The following PDK1 variants were observed in gnomAD, a reference collection of about 807,000 sequenced individuals.
PDK1 encodes pyruvate dehydrogenase kinase 1.
PDK1 carries 39 observed loss-of-function variants against 54.2 expected under a neutral mutation model. The ratio of observed to expected loss-of-function variants is 0.72; its 90% confidence interval spans 0.56 to 0.94. The LOEUF is 0.94. Among genes scored for constraint, PDK1 ranks in the 40% least tolerant of loss-of-function variants. The pLI is 0.00. For missense variants in PDK1, 552 were observed against 566.0 expected (o/e 0.98, Z 0.25); for synonymous variants, 221 against 207.1 (o/e 1.07, Z -0.58).
Position 172,568,761 on chromosome 2 carries a change from A to G in PDK1, c.790A>G (p.Ile264Val). 6.2e-7 allele frequency: 1 copy of G among 1,609,194 alleles called. No individual in the cohort carries two copies. Among genetic ancestry groups the G allele is most frequent in the Non-Finnish European group, 8.5e-7 (1 of 1,175,466 alleles). Residue 264 changes from isoleucine (I) to valine (V), a missense_variant, in exon 7 of 11, where the codon ATA becomes GTA. Physicochemically the swap from Ile to Val is conservative, Grantham distance 29. Coordinates refer to ENST00000282077, the MANE Select transcript of PDK1 (RefSeq NM_002610.5). ...TGTAGCAAAATCACCAGGACAGCCA[A>G]TACAAGTGGTTTATGTACCATCCCA... ...ELNAKSPGQP[I>V]QVVYVPSHLY...
downstream of PDK1, among the ~76,000 whole-genome samples, chr2:172,610,669 G>A (rs1347586158): frequency 6.6e-6 from 1 of 152,060 alleles, no homozygotes; most frequent in African/African-American, 2.4e-5. Flanking sequence ...GGAGTGCAGT[G>A]GTGCAGTCTC....
chr2:172,646,488 G>C, the PDK1 span, among the ~76,000 whole-genome samples: 4 of 136,202 alleles, frequency 2.9e-5, no homozygotes, highest in South Asian at 2.3e-4. Flanking sequence ...GGAATCTTTA[G>C]ATAAACACAT....
chr2:172,661,307 C>G, the PDK1 span, among the ~76,000 whole-genome samples: 3 of 152,068 alleles, frequency 2.0e-5, no homozygotes, highest in African/African-American at 7.2e-5. Flanking sequence ...AATTATATGC[C>G]ATTATTGTAT....
At chr2:172,688,816 C>T in the PDK1 span, among the ~76,000 whole-genome samples, 3 of 152,058 alleles carry the variant, frequency 2.0e-5, no homozygotes, top group Non-Finnish European at 1.5e-5. Context: ...TCCCACATGG[C>T]AGCCAGAGGC....
At chr2:172,560,193 T>TC (rs1370532845) in intron 2 of PDK1, among the ~76,000 whole-genome samples, 2 of 152,194 alleles carry the variant, frequency 1.3e-5, no homozygotes, top group Non-Finnish European at 2.9e-5. Flanking sequence ...AGACAGGGTC[T>TC]CCATCACCCA....
At chr2:172,579,711 T>C (rs184694765) in intron 8 of PDK1, among the ~76,000 whole-genome samples, 1 of 151,738 alleles carries the variant, frequency 6.6e-6, no homozygotes, top group African/African-American at 2.4e-5. Context: ...TAACTTTTTT[T>C]TTTTTCTTTT....
At chr2:172,659,398 G>A in the PDK1 span, among the ~76,000 whole-genome samples, 1 of 152,166 alleles carries the variant, frequency 6.6e-6, no homozygotes, top group Non-Finnish European at 1.5e-5. Flanking sequence ...GTTCCATTCA[G>A]TATATAAGTG....
At chr2:172,668,766 C>A in the PDK1 span, among the ~76,000 whole-genome samples, 3 of 144,658 alleles carry the variant, frequency 2.1e-5, no homozygotes, top group South Asian at 2.2e-4. Flanking sequence ...TATATATTTT[C>A]TATATATATG....
Position 172,586,354 on chromosome 2 carries a change from G to A in PDK1, c.1022G>A (p.Arg341Lys). Residue 341 changes from arginine (R) to lysine (K), a missense_variant, in exon 9 of 11, where the codon AGA becomes AAA. Arg to Lys is a conservative substitution (Grantham distance 26, BLOSUM62 2). Coordinates refer to ENST00000282077, the MANE Select transcript of PDK1 (RefSeq NM_002610.5). ...LFNYMYSTAP[R>K]PRVETSRAVP... ...AACTACATGTATTCAACTGCACCAA[G>A]ACCTCGTGTTGAGACCTCCCGCGCA... 1 of 1,612,446 alleles carries A rather than the reference G, an allele frequency of 6.2e-7. No individual in the cohort carries two copies. The highest frequency in any genetic ancestry group is 8.5e-7 in the Non-Finnish European group (1 of 1,178,684).
the PDK1 span, among the ~76,000 whole-genome samples, chr2:172,692,948 C>T: frequency 1.3e-5 from 2 of 152,206 alleles, no homozygotes; most frequent in African/African-American, 4.8e-5. Flanking sequence ...GCAGTTACAG[C>T]TTCACAGAAT....
the PDK1 span, among the ~76,000 whole-genome samples, chr2:172,695,787 G>C: frequency 6.6e-6 from 1 of 152,148 alleles, no homozygotes; most frequent in Non-Finnish European, 1.5e-5. Context: ...ACTGCAGATA[G>C]CCTGGTTGCT....
chr2:172,587,474 T>G (rs1336021926), intron 9 of PDK1, among the ~76,000 whole-genome samples: 1 of 152,060 alleles, frequency 6.6e-6, no homozygotes, highest in African/African-American at 2.4e-5. Context: ...CAGAGTTGTT[T>G]GTTCTTCTGG....
the PDK1 span, among the ~76,000 whole-genome samples, chr2:172,661,575 T>G: frequency 1.3e-5 from 2 of 152,234 alleles, no homozygotes; most frequent in East Asian, 1.9e-4. Context: ...ATTTATTATT[T>G]TTTTGATTGT....
chr2:172,615,395 G>A, the PDK1 span, among the ~76,000 whole-genome samples: 504 of 152,246 alleles, frequency 3.3e-3, 3 homozygotes, highest in African/African-American at 0.011. Flanking sequence ...AGGCCGAGGC[G>A]GATGGATCAC....
chr2:172,622,846 TTATA>T, the PDK1 span, among the ~76,000 whole-genome samples: 85 of 147,470 alleles, frequency 5.8e-4, no homozygotes, highest in Admixed American at 5.7e-3. Flanking sequence ...TGATATATGT[TTATA>T]TATTATATGT....
At chr2:172,693,661 A>G in the PDK1 span, among the ~76,000 whole-genome samples, 1 of 152,244 alleles carries the variant, frequency 6.6e-6, no homozygotes, top group Non-Finnish European at 1.5e-5. Flanking sequence ...TTGCTTTTCT[A>G]TGCCTTGAAG....
At chr2:172,653,925 A>G in the PDK1 span, among the ~76,000 whole-genome samples, 6 of 152,254 alleles carry the variant, frequency 3.9e-5, no homozygotes, top group Non-Finnish European at 7.3e-5. Context: ...CAAATTTACA[A>G]GAAAAAAACA....
At chr2:172,670,379 C>A in the PDK1 span, among the ~76,000 whole-genome samples, 1 of 152,144 alleles carries the variant, frequency 6.6e-6, no homozygotes, top group Non-Finnish European at 1.5e-5. Flanking sequence ...TTTATGAAAT[C>A]TAACATACTA....
chr2:172,651,839 C>T, the PDK1 span, among the ~76,000 whole-genome samples: 2 of 151,968 alleles, frequency 1.3e-5, no homozygotes, highest in Non-Finnish European at 2.9e-5. Context: ...GCCTACCAAC[C>T]AAAAAAAGTC....
Sources: allele counts gnomAD v4.1 joint callset (sites outside exome capture counted in the v4.1 genomes callset), GRCh38; gene constraint gnomAD v4.1.1; transcripts MANE v1.5; gene names NCBI Gene and HGNC (gene_info 2026-07-23, HGNC 2026-07-21).